The following TOP2B variants were observed in gnomAD, a reference collection of about 807,000 sequenced individuals.
TOP2B encodes DNA topoisomerase II beta.
Under a neutral mutation model 193.5 loss-of-function variants are expected in TOP2B, and 51 were observed. That is an observed-to-expected ratio of 0.26 (90% CI 0.21 to 0.33). TOP2B has a LOEUF of 0.33. Ranked by LOEUF, TOP2B falls within the 10% of genes least tolerant of loss-of-function variation. TOP2B has a pLI of 1.00. For missense variants in TOP2B, 1,378 were observed against 1,909.3 expected (o/e 0.72, Z 5.19); for synonymous variants, 634 against 635.7 (o/e 1.00, Z 0.04).
At chr3:25,654,922 C>T (rs1168825449) in intron 1 of TOP2B, among the ~76,000 whole-genome samples, 1 of 152,076 alleles carries the variant, frequency 6.6e-6, no homozygotes, top group Non-Finnish European at 1.5e-5. Context: ...AGATTAAAGA[C>T]CTAAAAGTAA....
chr3:25,623,627 T>C lies in TOP2B; in HGVS notation c.2615A>G (p.Asn872Ser). 6.2e-7 allele frequency: 1 copy of C among 1,613,890 alleles called. No homozygotes were observed. Among genetic ancestry groups the C allele is most frequent in the Non-Finnish European group, 8.5e-7 (1 of 1,179,848 alleles). The change falls in exon 21 of 36, where the codon AAT becomes AGT. Residue 872 changes from asparagine (N) to serine (S), a missense_variant. This residue lies in a region of TOP2B where 379 missense variants were observed against 615.1 expected (regional missense o/e 0.62). Coordinates refer to ENST00000264331, the MANE Select transcript of TOP2B (RefSeq NM_001330700.2). Reference sequence around the variant, plus strand: ...TCCAGTACCAATGCCCTCAGCACCATTTATTAAAACCATGGGAATTATAGG... The same window carrying C: ...TCCAGTACCAATGCCCTCAGCACCACTTATTAAAACCATGGGAATTATAGG... ...YIPIIPMVLI[N>S]GAEGIGTGWA...
intron 12 of TOP2B, 27 bp downstream of exon 12, chr3:25,630,285 C>CAT (rs1439957810): frequency 4.3e-5 from 62 of 1,449,392 alleles, no homozygotes; most frequent in South Asian, 1.0e-4. Flanking sequence ...TGTGTGTATA[C>CAT]ACATATATAT....
At chr3:25,648,591 T>A (rs1469020887) in intron 1 of TOP2B, among the ~76,000 whole-genome samples, 1 of 152,218 alleles carries the variant, frequency 6.6e-6, no homozygotes, top group Non-Finnish European at 1.5e-5. Context: ...GCGCAGTGGC[T>A]CACACCTGTA....
chr3:25,637,350 T>C, intron 5 of TOP2B, 38 bp from the exon 6 acceptor site: 4 of 1,477,082 alleles, frequency 2.7e-6, no homozygotes, highest in Non-Finnish European at 3.7e-6. Context: ...TTAGTAAAAA[T>C]GATTTTAAAG....
chr3:25,638,640 A>G (rs1575579981), intron 4 of TOP2B, among the ~76,000 whole-genome samples: 1 of 152,074 alleles, frequency 6.6e-6, no homozygotes, highest in South Asian at 2.1e-4. Context: ...AGGTTTCATC[A>G]TGTTTAGCAC....
chr3:25,612,610 C>T lies in TOP2B; in HGVS notation c.3691G>A (p.Glu1231Lys). 6.2e-7 allele frequency: 1 copy of T among 1,613,764 alleles called. No individual in the cohort carries two copies. The highest frequency in any genetic ancestry group is 8.5e-7 in the Non-Finnish European group (1 of 1,179,840). The change falls in exon 28 of 36, where the codon GAA becomes AAA. Residue 1231 changes from glutamate (E) to lysine (K), a missense_variant. By Grantham distance (56) the Glu-to-Lys change is moderately conservative. Transcript: ENST00000264331. ...CCATAAGGTGAGGGCATTGTCTCTT[C>T]CAACTGGAGTTTCTTCACCTTAGGT... is the stretch of plus-strand genomic sequence containing the variant. ...GKPKVKKLQL[E>K]ETMPSPYGRR...
chr3:25,598,489 T>C lies in TOP2B; in HGVS notation c.4711-12A>G, dbSNP rs1329660476. 6.4e-7 allele frequency: 1 copy of C among 1,563,356 alleles called. No homozygotes were observed. The highest frequency in any genetic ancestry group is 8.6e-7 in the Non-Finnish European group (1 of 1,156,306). ...GTCTTCTTCGGTTTCTAGATTTTTT[T>C]TCAATAGATTTAAAAGTTATGAAAG... is the stretch of plus-strand genomic sequence containing the variant. On this transcript the variant is annotated splice_polypyrimidine_tract_variant and intron_variant, in intron 35 of 35. Coordinates refer to ENST00000264331, the MANE Select transcript of TOP2B (RefSeq NM_001330700.2).
At position 25,645,458 on chromosome 3, in the gene TOP2B, G is replaced by C. The variant is rs770563756; in HGVS notation, c.82C>G (p.Gln28Glu). The C allele has an allele frequency of 1.2e-6, 2 of 1,602,030 alleles. No individual in the cohort carries two copies. Among genetic ancestry groups the C allele is most frequent in the Non-Finnish European group, 1.7e-6 (2 of 1,175,190 alleles). The change falls in exon 2 of 36, where the codon CAG becomes GAG. Residue 28 changes from glutamine (Q) to glutamate (E), a missense_variant. Transcript: ENST00000264331. ...TCTTCTTTTTTTGCAGCATTGTTCT[G>C]ATCAAAAAGAGTCTAAAATTAACCA... The part of the protein sequence containing the change: ...GALTWVTLFD[Q>E]NNAAKKEESE...
intron 21 of TOP2B, 68 bp downstream of exon 21, chr3:25,623,446 TA>T: frequency 7.1e-7 from 1 of 1,412,188 alleles, no homozygotes; most frequent in Non-Finnish European, 9.8e-7. Context: ...ATTACTTTTC[TA>T]AAATGACGGG....
At chr3:25,644,616 G>A (rs1017630782) in intron 2 of TOP2B, among the ~76,000 whole-genome samples, 5 of 141,630 alleles carry the variant, frequency 3.5e-5, no homozygotes, top group African/African-American at 1.0e-4. Flanking sequence ...CAGGAGAATC[G>A]TTTGAACCCA....
rs1208302712 is a variant in TOP2B, at chr3:25,601,137, T to A, written c.4578A>T (p.Ser1526=). ...TAGTCTTCTTTGGAATGCCAAATTC[T>A]GAATCCGAGTCAGAGTTTACAGCCT... ...VVEAVNSDSD[S]EFGIPKKTTT... Residue 1526 remains serine (S), a synonymous_variant, in exon 34 of 36, where the codon TCA becomes TCT. Coordinates refer to ENST00000264331, the MANE Select transcript of TOP2B (RefSeq NM_001330700.2). The A allele has an allele frequency of 6.2e-7, 1 of 1,613,848 alleles. No homozygotes were observed. The highest frequency in any genetic ancestry group is 8.5e-7 in the Non-Finnish European group (1 of 1,179,770).
At chr3:25,631,180 A>G (rs1702946063) in intron 10 of TOP2B, among the ~76,000 whole-genome samples, 1 of 152,156 alleles carries the variant, frequency 6.6e-6, no homozygotes, top group South Asian at 2.1e-4. Context: ...ACATTCTATT[A>G]TAATAAACTC....
At chr3:25,631,676 A>C (rs760502259) in intron 10 of TOP2B, among the ~76,000 whole-genome samples, 1 of 152,084 alleles carries the variant, frequency 6.6e-6, no homozygotes, top group Non-Finnish European at 1.5e-5. Flanking sequence ...GAAAAAGTAT[A>C]AAATTTAAAA....
intron 34 of TOP2B, among the ~76,000 whole-genome samples, chr3:25,600,497 C>T (rs944571396): frequency 1.3e-5 from 2 of 152,198 alleles, no homozygotes; most frequent in East Asian, 1.9e-4. Context: ...ATCCCAACCA[C>T]TCCTTAAAGA....
At position 25,664,583 on chromosome 3, in the gene TOP2B, G is replaced by T; in HGVS notation, c.-286C>A. The T allele has an allele frequency of 9.7e-7, 1 of 1,033,772 alleles. No homozygotes were observed. The highest frequency in any genetic ancestry group is 1.2e-6 in the Non-Finnish European group (1 of 862,374). The allele number at this position is 1,033,772 out of a possible 1,614,324, so 64.0% of individuals were successfully genotyped here. On this transcript the variant is annotated 5_prime_UTR_variant, in exon 1 of 36. Coordinates refer to ENST00000264331, the MANE Select transcript of TOP2B (RefSeq NM_001330700.2). ...GAGCGACCGGCGGCGGCCGAGCGGC[G>T]GCGTTGCCTTCTCGCCCGCCCGCGG...
In TOP2B at chr3:25,598,373, T is replaced by C; in HGVS notation, c.4815A>G (p.Lys1605=). Reference sequence around the variant, plus strand: ...CAGACTCTGCAAAATATTTTACTTCTTTCCTAGCCCGACCGGTTCGTGGCA... The same window carrying C: ...CAGACTCTGCAAAATATTTTACTTCCTTCCTAGCCCGACCGGTTCGTGGCA... ...PSLPRTGRAR[K]EVKYFAESDE... is the part of the protein sequence containing the mutation. The change falls in exon 36 of 36, where the codon AAA becomes AAG. Residue 1605 remains lysine, a synonymous_variant. Coordinates refer to ENST00000264331, the MANE Select transcript of TOP2B (RefSeq NM_001330700.2). 6.2e-7 allele frequency: 1 copy of C among 1,613,416 alleles called. No homozygotes were observed. Among genetic ancestry groups the C allele is most frequent in the Non-Finnish European group, 8.5e-7 (1 of 1,179,540 alleles).
intron 8 of TOP2B, among the ~76,000 whole-genome samples, chr3:25,633,626 C>T (rs1293410294): frequency 6.6e-6 from 1 of 152,122 alleles, no homozygotes; most frequent in Non-Finnish European, 1.5e-5. Context: ...CAACTACAAA[C>T]ACTAGTCATA....
At chr3:25,642,142 G>A (rs557154937) in intron 4 of TOP2B, among the ~76,000 whole-genome samples, 180 bp downstream of exon 4, 7 of 152,246 alleles carry the variant, frequency 4.6e-5, no homozygotes, top group African/African-American at 1.7e-4. Context: ...CCCCGATAGG[G>A]AAGTTCTTTG....
In TOP2B at chr3:25,639,496, C is replaced by T. The variant is rs374621590; in HGVS notation, c.396-1186G>A. Reference sequence around the variant, plus strand: ...CTAATTTTTGTATTTTTAGGAGACACGGGGTTTCACCATGTTGGCCAGGCT... The same window carrying T: ...CTAATTTTTGTATTTTTAGGAGACATGGGGTTTCACCATGTTGGCCAGGCT... On this transcript the variant is annotated intron_variant, in intron 4 of 35. Transcript: ENST00000264331. Among the ~76,000 whole-genome samples, 15 of 152,242 alleles carry T rather than the reference C, an allele frequency of 9.9e-5. No individual in the cohort carries two copies. The East Asian group carries it at 2.1e-3, about 22-fold the overall frequency.
Sources: gnomAD v4.1 joint callset for allele counts (sites outside exome capture counted in the v4.1 genomes callset) on GRCh38, gnomAD v4.1.1 for gene constraint, gnomAD v4.1.1 regional missense constraint, MANE v1.5 for transcripts, NCBI Gene and HGNC (gene_info 2026-07-23, HGNC 2026-07-21) for gene names.